The following RPS16 variants were observed in gnomAD, a reference collection of about 807,000 sequenced individuals.
The protein encoded by RPS16 is small ribosomal subunit protein uS9.
RPS16 carries 2 observed loss-of-function variants against 20.1 expected under a neutral mutation model. That is an observed-to-expected ratio of 0.10 (90% confidence interval 0.04 to 0.31). RPS16 has a LOEUF of 0.31. Ranked by LOEUF, RPS16 falls within the 10% of genes least tolerant of loss-of-function variation. RPS16 has a pLI of 1.00. For synonymous variants in RPS16, 95 were observed against 76.1 expected (o/e 1.25, Z -1.29); for missense variants, 129 against 198.6 (o/e 0.65, Z 2.11).
chr19:39,434,856 C>T (rs1018594228), intron 2 of RPS16: 2 of 152,152 alleles, frequency 1.3e-5, no homozygotes, highest in Non-Finnish European at 2.9e-5. Flanking sequence ...TTTTAACTGA[C>T]CCTGCAATGT....
At position 39,435,947 on chromosome 19, in the gene RPS16, A is replaced by AG. The variant is rs1236902821; in HGVS notation, c.-53dup. ...CACCGCGCGGCGCCGCAACCGGAAA[A>AG]GGAAAGCTAGGGGCCACCCTGGCCG... is the stretch of plus-strand genomic sequence containing the variant. On this transcript the variant is annotated 5_prime_UTR_variant, in exon 1 of 5. Transcript: ENST00000251453. 6.2e-7 allele frequency: 1 copy of AG among 1,600,484 alleles called. No homozygotes were observed. Among genetic ancestry groups the AG allele is most frequent in the Non-Finnish European group, 8.5e-7 (1 of 1,179,656 alleles).
rs2078857413 is a variant in RPS16, at chr19:39,435,625, C to T, written c.132G>A (p.Pro44=). ...VNGRPLEMIE[P]RTLQYKLLEP... is the part of the protein sequence containing the mutation. ...CCAGCACCTTGTACTGTAGCGTGCG[C>T]GGCTCAATCATCTCCAGGGGCCGCC... Residue 44 remains proline, a synonymous_variant, in exon 2 of 5, where the codon CCG becomes CCA. Transcript: ENST00000251453. The T allele has an allele frequency of 1.9e-6, 3 of 1,613,764 alleles. No homozygotes were observed. The highest frequency in any genetic ancestry group is 2.5e-6 in the Non-Finnish European group (3 of 1,180,014).
chr19:39,433,653 C>A lies in RPS16; in HGVS notation c.247+12G>T, dbSNP rs748306441. ...AGCCACCTCCTCCATGCGCCCAGTT[C>A]CTGGGACTCACCATAAATCTGGGCC... On this transcript the variant is annotated intron_variant, in intron 3 of 4. Transcript: ENST00000251453. The A allele has an allele frequency of 3.1e-6, 5 of 1,614,096 alleles. No homozygotes were observed. In the African/African-American group the frequency reaches 5.3e-5, roughly 17 times the overall value.
At chr19:39,434,861 C>T (rs1048101432) in intron 2 of RPS16, 2 of 152,194 alleles carry the variant, frequency 1.3e-5, no homozygotes, top group South Asian at 2.1e-4. Flanking sequence ...ACTGACCCTG[C>T]AATGTAGATA....
intron 2 of RPS16, 56 bp downstream of exon 2, chr19:39,435,551 C>A (rs1390526016): frequency 6.9e-7 from 1 of 1,448,628 alleles, no homozygotes; most frequent in Non-Finnish European, 9.6e-7. Flanking sequence ...AGAGCTACAA[C>A]ATCTCTGTCT....
chr19:39,433,632 A>T, intron 3 of RPS16, 33 bp downstream of exon 3: 1 of 1,614,100 alleles, frequency 6.2e-7, no homozygotes, highest in East Asian at 2.2e-5. Context: ...TCCCAGAGCC[A>T]CCTCCTCCAT....
At chr19:39,435,089 A>C (rs975666162) in intron 2 of RPS16, 2 of 153,704 alleles carry the variant, frequency 1.3e-5, no homozygotes, top group East Asian at 1.9e-4. Context: ...ACCTGAGGTA[A>C]TGAGTTCGAG....
In RPS16 at chr19:39,433,700, C is replaced by T. The variant is rs1600677672; in HGVS notation, c.212G>A (p.Arg71His). The T allele has an allele frequency of 3.1e-6, 5 of 1,614,006 alleles. No homozygotes were observed. The highest frequency in any genetic ancestry group is 4.2e-6 in the Non-Finnish European group (5 of 1,179,968). ...GGCCACGTGACCACCACCCTTTACACGGACACGGATGTCTACACCAGCAAA... is the reference window on the plus strand; with the variant it reads ...GGCCACGTGACCACCACCCTTTACATGGACACGGATGTCTACACCAGCAAA... ...ERFAGVDIRV[R>H]VKGGGHVAQI... The change falls in exon 3 of 5, where the codon CGT becomes CAT. Residue 71 changes from arginine (R) to histidine (H), a missense_variant. Transcript: ENST00000251453.
intron 2 of RPS16, chr19:39,434,020 T>A (rs979981033): frequency 3.8e-5 from 18 of 468,242 alleles, no homozygotes; most frequent in Non-Finnish European, 5.9e-5. Context: ...CCTACTTGTG[T>A]CCCTCACTGG....
At position 39,435,915 on chromosome 19, in the gene RPS16, A is replaced by T; in HGVS notation, c.-20T>A. The T allele has an allele frequency of 3.1e-6, 5 of 1,603,398 alleles. No individual in the cohort carries two copies. The South Asian group carries it at 5.5e-5, about 18-fold the overall frequency. ...CGGCATGGCTCCGAGCGTGGACTAG[A>T]CAACCTCACCGCGCGGCGCCGCAAC... On this transcript the variant is annotated 5_prime_UTR_variant, in exon 1 of 5. Coordinates refer to ENST00000251453, the MANE Select transcript of RPS16 (RefSeq NM_001020.6).
In RPS16 at chr19:39,435,556, C is replaced by A; in HGVS notation, c.150+51G>T. ...CCAGCTTTCAAGAGCTACAACATCTCTGTCTCCAAGAGTCCTCCATCCACT... is the reference window on the plus strand; with the variant it reads ...CCAGCTTTCAAGAGCTACAACATCTATGTCTCCAAGAGTCCTCCATCCACT... On this transcript the variant is annotated intron_variant, in intron 2 of 4. Coordinates refer to ENST00000251453, the MANE Select transcript of RPS16 (RefSeq NM_001020.6). The A allele has an allele frequency of 3.4e-6, 5 of 1,479,176 alleles. No homozygotes were observed. In the South Asian group the frequency reaches 5.8e-5, roughly 17 times the overall value. The allele number at this position is 1,479,176 out of a possible 1,614,324, so 91.6% of individuals were successfully genotyped here.
intron 2 of RPS16, 152 bp from the exon 3 acceptor site, chr19:39,433,913 CCCAGAGAAGAGGAAAGTCAAAAAAG>C: frequency 1.5e-6 from 1 of 667,134 alleles, no homozygotes; most frequent in Non-Finnish European, 2.5e-6. Context: ...CCTCTACAGA[CCCAGAGAAGAGGAAAGTCAAAAAAG>C]CCAGATATGA....
At chr19:39,433,827 C>A in intron 2 of RPS16, 66 bp from the exon 3 acceptor site, 1 of 1,495,206 alleles carries the variant, frequency 6.7e-7, no homozygotes. Flanking sequence ...TCTCACTGGG[C>A]TTCTTGTTTC....
At chr19:39,435,130 C>G (rs2078853276) in intron 2 of RPS16, 1 of 159,038 alleles carries the variant, frequency 6.3e-6, no homozygotes, top group African/African-American at 2.4e-5. Context: ...GAAACCCCGT[C>G]TCTACTAAAA....
In RPS16 at chr19:39,433,775, G is replaced by A. The variant is rs190591036; in HGVS notation, c.151-14C>T. 1.2e-6 allele frequency: 2 copies of A among 1,612,898 alleles called. No homozygotes were observed. The highest frequency in any genetic ancestry group is 1.7e-6 in the Non-Finnish European group (2 of 1,179,554). ...TGGCTCCAGCAGCTAAAGGAATGGGGAATGAACAGGGATTTAAGTTACATG... is the reference window on the plus strand; with the variant it reads ...TGGCTCCAGCAGCTAAAGGAATGGGAAATGAACAGGGATTTAAGTTACATG... On this transcript the variant is annotated splice_polypyrimidine_tract_variant and intron_variant, in intron 2 of 4. Coordinates refer to ENST00000251453, the MANE Select transcript of RPS16 (RefSeq NM_001020.6).
rs749174048 is a variant in RPS16, at chr19:39,435,704, G to A, written c.53C>T (p.Thr18Ile). 15 of 1,613,346 alleles carry A rather than the reference G, an allele frequency of 9.3e-6. No homozygotes were observed. Among genetic ancestry groups the A allele is most frequent in the Middle Eastern group, 1.6e-4 (1 of 6,084 alleles). Residue 18 changes from threonine (T) to isoleucine (I), a missense_variant, in exon 2 of 5, where the codon ACA (threonine) becomes ATA (isoleucine). Transcript: ENST00000251453. ...QSVQVFGRKK[T>I]ATAVAHCKRG... The stretch of plus-strand genomic sequence containing the variant: ...TTTGCAGTGCGCCACAGCTGTCGCT[G>A]TCTTCTGTAAGATACAAGAGAAACA...
intron 1 of RPS16, 22 bp from the exon 2 acceptor site, chr19:39,435,730 G>C (rs775861057): frequency 6.2e-6 from 10 of 1,611,628 alleles, no homozygotes; most frequent in African/African-American, 1.3e-5. Context: ...AAGAGAAACA[G>C]GGGCCCCGTG....
Position 39,433,252 on chromosome 19 carries a change from G to A in RPS16, c.*21C>T. 2 of 1,611,554 alleles carry A rather than the reference G, an allele frequency of 1.2e-6. No individual in the cohort carries two copies. The highest frequency in any genetic ancestry group is 1.7e-6 in the Non-Finnish European group (2 of 1,179,474). On this transcript the variant is annotated 3_prime_UTR_variant, in exon 5 of 5. Transcript: ENST00000251453. ...CTCAAAAACTGTTTATTATACAAGTGAGTTTTGAGTCACGATGGGCTTATC... is the reference window on the plus strand; with the variant it reads ...CTCAAAAACTGTTTATTATACAAGTAAGTTTTGAGTCACGATGGGCTTATC...
intron 2 of RPS16, chr19:39,434,070 C>T (rs1036909828): frequency 1.6e-5 from 6 of 383,906 alleles, no homozygotes; most frequent in African/African-American, 8.3e-5. Context: ...TCTTAGAAGG[C>T]TGAACAGTAA....
Sources: allele counts gnomAD v4.1 joint callset, GRCh38; gene constraint gnomAD v4.1.1; transcripts MANE v1.5; gene names NCBI Gene and HGNC (gene_info 2026-07-23, HGNC 2026-07-21).